DAP3: variants seen among roughly 807,000 people sequenced by gnomAD.
DAP3 encodes the protein small ribosomal subunit protein mS29.
A neutral mutation model predicts 51.9 loss-of-function variants in DAP3; 28 were observed. The ratio of observed to expected loss-of-function variants is 0.54; its 90% CI spans 0.40 to 0.74. The LOEUF (loss-of-function observed/expected upper bound fraction) is 0.74, where lower values mean the gene tolerates loss of function less well. Among genes scored for constraint, DAP3 ranks in the 30% least tolerant of loss-of-function variants. DAP3 has a pLI of 0.00. For synonymous variants in DAP3, 170 were observed against 170.3 expected, an observed-to-expected ratio of 1.00 and a Z score of 0.01; for missense variants, 458 against 483.5, an observed-to-expected ratio of 0.95 and a Z score of 0.49.
chr1:155,724,885 C>T (rs1326367961), intron 4 of DAP3, among the ~76,000 whole-genome samples: 1 of 149,188 alleles, frequency 6.7e-6, no homozygotes, highest in Non-Finnish European at 1.5e-5. Context: ...AACTGGGAGG[C>T]AGAGGTTGTG....
chr1:155,701,880 C>T (rs1571449081), intron 1 of DAP3, among the ~76,000 whole-genome samples: 2 of 150,438 alleles, frequency 1.3e-5, no homozygotes, highest in African/African-American at 4.9e-5. Flanking sequence ...ATAATTAAAT[C>T]GGGAAATAAG....
At chr1:155,688,354 C>T, upstream of DAP3, 1 of 1,547,782 alleles carries the variant, frequency 6.5e-7, no homozygotes, top group Non-Finnish European at 8.7e-7. Flanking sequence ...GTGGCCGCGG[C>T]AGCTCCTCCA....
rs370012137 is a variant in DAP3, at chr1:155,714,940, C to T, written c.46-2066C>T. On this transcript the variant is annotated intron_variant, in intron 2 of 12. Coordinates refer to ENST00000368336, the MANE Select transcript of DAP3 (RefSeq NM_004632.4). Reference sequence around the variant, plus strand: ...TTGGTAGGCTGGGCACGGTGGCTCACGCCTGTAATCCCAGCACTTTGGGAG... The same window carrying T: ...TTGGTAGGCTGGGCACGGTGGCTCATGCCTGTAATCCCAGCACTTTGGGAG... 1.8e-4 allele frequency among the ~76,000 whole-genome samples: 27 copies of T among 152,266 alleles called. No individual in the cohort carries two copies. In the East Asian group the frequency reaches 3.9e-3, roughly 22 times the overall value.
intron 1 of DAP3, among the ~76,000 whole-genome samples, chr1:155,703,112 A>G (rs553897400): frequency 6.6e-6 from 1 of 152,358 alleles, no homozygotes; most frequent in East Asian, 1.9e-4. Flanking sequence ...CTTTTCAAGA[A>G]TACTTGGGCT....
chr1:155,696,504 A>G (rs1654526975), intron 1 of DAP3, among the ~76,000 whole-genome samples: 2 of 152,218 alleles, frequency 1.3e-5, no homozygotes, highest in African/African-American at 4.8e-5. Context: ...TTTGAGGCTT[A>G]ATGGCTCTAT....
chr1:155,703,123 A>C (rs142689916), intron 1 of DAP3, among the ~76,000 whole-genome samples: 1 of 152,330 alleles, frequency 6.6e-6, no homozygotes, highest in Non-Finnish European at 1.5e-5. Flanking sequence ...TACTTGGGCT[A>C]TTCTAGGTCT....
chr1:155,713,676 A>T (rs1656989024), intron 2 of DAP3, among the ~76,000 whole-genome samples: 1 of 152,138 alleles, frequency 6.6e-6, no homozygotes, highest in Non-Finnish European at 1.5e-5. Context: ...CAGTTTTTTT[A>T]AAATAGAGAC....
intron 1 of DAP3, among the ~76,000 whole-genome samples, chr1:155,707,184 C>T (rs1294242123): frequency 6.6e-6 from 1 of 151,860 alleles, no homozygotes; most frequent in Non-Finnish European, 1.5e-5. Flanking sequence ...GAGGCTGAGG[C>T]GGGAGGATCA....
chr1:155,689,536 C>T, intron 1 of DAP3: 1 of 401,772 alleles, frequency 2.5e-6, no homozygotes, highest in South Asian at 1.8e-5. Context: ...TTGTCTTCAG[C>T]AAGTTATTTT....
intron 4 of DAP3, among the ~76,000 whole-genome samples, chr1:155,722,507 G>GA (rs1223140188): frequency 6.6e-6 from 1 of 152,092 alleles, no homozygotes; most frequent in Non-Finnish European, 1.5e-5. Flanking sequence ...TTTGAGCGCA[G>GA]GAGTTCAAGA....
rs533101480 is a variant in DAP3 at position 155,729,912 on chromosome 1, C to T, written c.843+546C>T. On this transcript the variant is annotated intron_variant, in intron 9 of 12. Transcript: ENST00000368336. ...GCCTGACCAACATGGAGAAACCCATCTCTACTAAAAATACAAAATTAGCCG... is the reference window on the plus strand; with the variant it reads ...GCCTGACCAACATGGAGAAACCCATTTCTACTAAAAATACAAAATTAGCCG... Among the ~76,000 whole-genome samples the T allele has an allele frequency of 2.6e-5, 4 of 151,976 alleles. No homozygotes were observed. In the South Asian group the frequency reaches 8.3e-4, roughly 32 times the overall value.
intron 1 of DAP3, among the ~76,000 whole-genome samples, chr1:155,691,780 G>A (rs1368811394): frequency 7.1e-6 from 1 of 141,786 alleles, no homozygotes. Flanking sequence ...CATCATTCTA[G>A]TGGGTGTGAA....
chr1:155,706,510 G>A (rs910125438), intron 1 of DAP3, among the ~76,000 whole-genome samples: 1 of 152,138 alleles, frequency 6.6e-6, no homozygotes, highest in African/African-American at 2.4e-5. Context: ...GGTGGCTCAC[G>A]CCTGTAATCC....
intron 1 of DAP3, among the ~76,000 whole-genome samples, chr1:155,709,287 A>C (rs1441008619): frequency 6.6e-6 from 1 of 152,054 alleles, no homozygotes; most frequent in African/African-American, 2.4e-5. Context: ...CTGGGACTAC[A>C]GGCATGCACT....
chr1:155,706,308 T>C (rs1378229031), intron 1 of DAP3, among the ~76,000 whole-genome samples: 1 of 152,200 alleles, frequency 6.6e-6, no homozygotes, highest in Non-Finnish European at 1.5e-5. Context: ...GCCCAGCCTA[T>C]GTGATTCTCT....
intron 1 of DAP3, among the ~76,000 whole-genome samples, chr1:155,701,703 AAG>A (rs1191615118): frequency 1.5e-4 from 23 of 151,418 alleles, no homozygotes; most frequent in Non-Finnish European, 3.1e-4. Context: ...AAAAAAAAAA[AAG>A]AAAATGATCA....
chr1:155,720,286 C>CT (rs1026797877), intron 3 of DAP3, among the ~76,000 whole-genome samples: 10 of 132,056 alleles, frequency 7.6e-5, no homozygotes, highest in African/African-American at 2.9e-4. Flanking sequence ...GATTGTACCA[C>CT]TGCATTCCAG....
At chr1:155,725,563 G>T in intron 5 of DAP3, 73 bp downstream of exon 5, 1 of 1,421,620 alleles carries the variant, frequency 7.0e-7, no homozygotes, top group Non-Finnish European at 9.9e-7. Context: ...CAGAAGAAAT[G>T]AAAAAAAGTA....
intron 2 of DAP3, chr1:155,710,146 T>TA (rs1486371537): frequency 4.7e-6 from 1 of 210,850 alleles, no homozygotes; most frequent in East Asian, 1.0e-4. Flanking sequence ...TAAAATAGAA[T>TA]AAAAAATAAA....
Sources: gnomAD v4.1 joint callset for allele counts (sites outside exome capture counted in the v4.1 genomes callset) on GRCh38, gnomAD v4.1.1 for gene constraint, MANE v1.5 for transcripts, NCBI Gene and HGNC (gene_info 2026-07-23, HGNC 2026-07-21) for gene names.